RNF135: variants seen among roughly 807,000 people sequenced by gnomAD.
RNF135 encodes the protein E3 ubiquitin-protein ligase RNF135.
RNF135 carries 46 observed loss-of-function variants against 41.9 expected under a neutral mutation model. The ratio of observed to expected loss-of-function variants is 1.10; its 90% CI spans 0.87 to 1.40. The LOEUF (loss-of-function observed/expected upper bound fraction) is 1.40, where lower values mean the gene tolerates loss of function less well. RNF135 is among the 40% of genes most tolerant of loss of function. RNF135 has a pLI of 0.00. For synonymous variants in RNF135, 238 were observed against 223.8 expected, an observed-to-expected ratio of 1.06 and a Z score of -0.57; for missense variants, 539 against 549.8, an observed-to-expected ratio of 0.98 and a Z score of 0.20.
intron 1 of RNF135, among the ~76,000 whole-genome samples, chr17:30,977,316 G>C (rs1339838139): frequency 6.6e-6 from 1 of 152,076 alleles, no homozygotes; most frequent in Admixed American, 6.6e-5. Flanking sequence ...TTTGAAAGTT[G>C]TTGTAGTTAT....
At chr17:30,989,882 C>T (rs1345997031) in intron 3 of RNF135, among the ~76,000 whole-genome samples, 1 of 151,540 alleles carries the variant, frequency 6.6e-6, no homozygotes, top group Non-Finnish European at 1.5e-5. Flanking sequence ...TGCCTATAAT[C>T]CCAGCTACTC....
At chr17:30,971,614 G>C (rs944656302) in intron 1 of RNF135, 169 bp downstream of exon 1, 6 of 1,352,382 alleles carry the variant, frequency 4.4e-6, no homozygotes, top group Non-Finnish European at 3.8e-6. Context: ...GTTCATAAAA[G>C]TATGAAGAAG....
At chr17:30,987,125 G>A (rs1907647422) in intron 2 of RNF135, among the ~76,000 whole-genome samples, 1 of 152,150 alleles carries the variant, frequency 6.6e-6, no homozygotes, top group African/African-American at 2.4e-5. Flanking sequence ...AAGAAAATCA[G>A]GGAGCATGTG....
the RNF135 span, among the ~76,000 whole-genome samples, chr17:30,964,093 T>C: frequency 6.6e-6 from 1 of 152,094 alleles, no homozygotes; most frequent in African/African-American, 2.4e-5. Context: ...CCTGAAAGAA[T>C]TTAGCAAAAA....
At chr17:30,994,130 A>G (rs1908178039) in intron 3 of RNF135, among the ~76,000 whole-genome samples, 1 of 152,062 alleles carries the variant, frequency 6.6e-6, no homozygotes, top group African/African-American at 2.4e-5. Context: ...ACCTATTAAC[A>G]ATAAGTAATA....
At chr17:30,975,231 G>A (rs775301634) in intron 1 of RNF135, among the ~76,000 whole-genome samples, 2 of 152,196 alleles carry the variant, frequency 1.3e-5, no homozygotes, top group African/African-American at 2.4e-5. Context: ...ACTGAGGTAC[G>A]AAGAACACTT....
intron 1 of RNF135, among the ~76,000 whole-genome samples, chr17:30,980,855 C>A (rs1469483267): frequency 6.7e-6 from 1 of 150,304 alleles, no homozygotes; most frequent in African/African-American, 2.4e-5. Context: ...GGCGGCCGGG[C>A]AGAGACGCTC....
At chr17:30,961,414 T>C in the RNF135 span, among the ~76,000 whole-genome samples, 1 of 152,142 alleles carries the variant, frequency 6.6e-6, no homozygotes, top group Non-Finnish European at 1.5e-5. Context: ...GTAGACAGCA[T>C]GCAAACTTTG....
the RNF135 span, chr17:30,958,938 A>G: frequency 3.3e-5 from 5 of 152,010 alleles, no homozygotes; most frequent in South Asian, 1.0e-3. Context: ...TGGATCCCCC[A>G]ATCAAAGGAT....
rs1399440084 is a variant in RNF135 at position 30,983,549 on chromosome 17, T to C, written c.373-1068T>C. On this transcript the variant is annotated intron_variant, in intron 1 of 4. Transcript: ENST00000328381. ...TTGTATTTTTAGTAGAGATGGGGTT[T>C]CACCAGGTTGGCCAGGATGATCTCG... Among the ~76,000 whole-genome samples the C allele has an allele frequency of 2.0e-5, 3 of 150,926 alleles. No individual in the cohort carries two copies. The Admixed American group carries it at 2.0e-4, about 10-fold the overall frequency.
At chr17:30,975,846 G>A (rs987675505) in intron 1 of RNF135, 11 of 880,704 alleles carry the variant, frequency 1.2e-5, no homozygotes, top group Non-Finnish European at 2.1e-5. Context: ...CATTTTGGCT[G>A]CTGCCAAGCT....
At chr17:30,986,252 A>G (rs1907576765) in intron 2 of RNF135, among the ~76,000 whole-genome samples, 1 of 150,478 alleles carries the variant, frequency 6.6e-6, no homozygotes, top group African/African-American at 2.5e-5. Context: ...GCTGGAGTGC[A>G]GTGGCGTGAT....
chr17:30,971,629 A>G, intron 1 of RNF135, 184 bp downstream of exon 1: 3 of 1,353,626 alleles, frequency 2.2e-6, no homozygotes, highest in Non-Finnish European at 2.8e-6. Context: ...AAGAAGTAGA[A>G]AAAAACAAAT....
intron 3 of RNF135, among the ~76,000 whole-genome samples, chr17:30,995,351 G>A (rs1012762178): frequency 2.6e-5 from 4 of 151,652 alleles, no homozygotes; most frequent in African/African-American, 7.3e-5. Flanking sequence ...TTGCGCCATC[G>A]CACTCCAGCC....
intron 1 of RNF135, among the ~76,000 whole-genome samples, chr17:30,979,619 C>A (rs1472285929): frequency 4.5e-5 from 5 of 112,246 alleles, no homozygotes; most frequent in African/African-American, 1.0e-4. Flanking sequence ...CGGGCAGAGG[C>A]GCCCCTCACC....
intron 1 of RNF135, among the ~76,000 whole-genome samples, chr17:30,982,096 C>A (rs1421953219): frequency 6.6e-6 from 1 of 152,232 alleles, no homozygotes. Context: ...CAGCAGATGG[C>A]AAAGCCAGCC....
chr17:30,995,387 CA>C (rs796205868), intron 3 of RNF135, among the ~76,000 whole-genome samples: 208 of 130,636 alleles, frequency 1.6e-3, no homozygotes, highest in Middle Eastern at 4.0e-3. Context: ...GACTCAGTCT[CA>C]AAAAAAAAAA....
upstream of RNF135, among the ~76,000 whole-genome samples, chr17:30,969,759 CTTTTTTTTTTTTT>C (rs757330088): frequency 8.2e-6 from 1 of 122,616 alleles, no homozygotes; most frequent in Non-Finnish European, 1.8e-5. Context: ...TCTTTTTTTT[CTTTTTTTTTTTTT>C]TTTTTTTTTT....
chr17:30,979,330 C>A (rs1407894056), intron 1 of RNF135: 2 of 132,524 alleles, frequency 1.5e-5, no homozygotes, highest in Non-Finnish European at 3.3e-5. Context: ...AGGCGCCCCT[C>A]ACCTCCTGGA....
Sources: gnomAD v4.1 joint callset for allele counts (sites outside exome capture counted in the v4.1 genomes callset) on GRCh38, gnomAD v4.1.1 for gene constraint, MANE v1.5 for transcripts, NCBI Gene and HGNC (gene_info 2026-07-23, HGNC 2026-07-21) for gene names.